Variants in CNBD1 observed in about 807,000 individuals in gnomAD.
CNBD1 encodes the protein cyclic nucleotide-binding domain-containing protein 1.
A neutral mutation model predicts 54.4 loss-of-function variants in CNBD1; 71 were observed. The observed-to-expected ratio is 1.30, with a 90% CI of 1.08 to 1.59. The LOEUF is 1.59. CNBD1 is among the 40% of genes most tolerant of loss of function. The pLI, the probability that CNBD1 is intolerant of heterozygous loss-of-function variation, is 0.00. For synonymous variants in CNBD1, 182 were observed against 170.7 expected (o/e 1.07, Z -0.51); for missense variants, 659 against 518.0 (o/e 1.27, Z -2.64).
chr8:87,025,882 G>C (rs1482766354), intron 4 of CNBD1, among the ~76,000 whole-genome samples: 1 of 152,188 alleles, frequency 6.6e-6, no homozygotes, highest in East Asian at 1.9e-4. Context: ...CCACCGGAAG[G>C]AACCAATTCA....
Position 87,426,184 on chromosome 8 carries a change from C to T in CNBD1, c.214-2362C>T, listed in dbSNP as rs544567167. Among the ~76,000 whole-genome samples the T allele has an allele frequency of 3.3e-3, 509 of 152,306 alleles. 2 individuals carry two copies. The highest frequency in any genetic ancestry group is 0.011 in the African/African-American group (460 of 41,578). ...GCCTCGCCCTGCTTCAGCTGGCGCA[C>T]GGTGCGCGCACCCACTGACCTGCGC... On this transcript the variant is annotated intron_variant, in intron 2 of 7. Coordinates refer to the CNBD1 transcript ENST00000521593.
chr8:87,379,533 C>G (rs1023014680), intron 10 of CNBD1, among the ~76,000 whole-genome samples: 1 of 151,850 alleles, frequency 6.6e-6, no homozygotes, highest in Non-Finnish European at 1.5e-5. Context: ...CAAACTATCT[C>G]TTGTTTGTTA....
chr8:87,013,205 G>C (rs1186307725), intron 4 of CNBD1, among the ~76,000 whole-genome samples: 3 of 152,124 alleles, frequency 2.0e-5, no homozygotes, highest in East Asian at 3.9e-4. Flanking sequence ...ACCTCCCTTA[G>C]GTTAAACGTC....
At chr8:87,373,402 A>G (rs1810860245) in intron 10 of CNBD1, among the ~76,000 whole-genome samples, 1 of 151,900 alleles carries the variant, frequency 6.6e-6, no homozygotes, top group African/African-American at 2.4e-5. Flanking sequence ...TAAAGGCATT[A>G]TCACAAACCC....
intron 6 of CNBD1, among the ~76,000 whole-genome samples, chr8:87,251,357 C>A (rs539938803): frequency 6.6e-6 from 1 of 152,052 alleles, no homozygotes; most frequent in South Asian, 2.1e-4. Context: ...GAGGCCAAGG[C>A]AGGTGGATTG....
chr8:86,937,865 G>T (rs762780878), intron 3 of CNBD1, among the ~76,000 whole-genome samples: 3 of 152,148 alleles, frequency 2.0e-5, no homozygotes, highest in Non-Finnish European at 4.4e-5. Flanking sequence ...GCAAATTTCT[G>T]CAGCCACCTT....
chr8:87,008,231 T>C (rs1248041573), intron 4 of CNBD1, among the ~76,000 whole-genome samples: 1 of 152,224 alleles, frequency 6.6e-6, no homozygotes, highest in African/African-American at 2.4e-5. Flanking sequence ...TGAGGTTCTC[T>C]CAGTTGTTTT....
At position 87,115,901 on chromosome 8, in the gene CNBD1, A is replaced by G. The variant is rs181747451; in HGVS notation, c.432-90092A>G. On this transcript the variant is annotated intron_variant, in intron 4 of 10. Transcript: ENST00000518476. The stretch of plus-strand genomic sequence containing the variant: ...CTCACTGTGCATCGGGCCTTCTGTC[A>G]TTGTTTCCCTTTATATCCAGCTCAT... Among the ~76,000 whole-genome samples, 255 of 152,238 alleles carry G rather than the reference A, an allele frequency of 1.7e-3. 3 individuals are homozygous for G. Among genetic ancestry groups the G allele is most frequent in the African/African-American group, 5.7e-3 (237 of 41,544 alleles).
intron 3 of CNBD1, among the ~76,000 whole-genome samples, chr8:86,931,123 C>T (rs1809449831): frequency 6.6e-6 from 1 of 152,324 alleles, no homozygotes; most frequent in African/African-American, 2.4e-5. Context: ...AGAGCAAAGT[C>T]TCCTTACAAC....
In CNBD1 at chr8:86,995,811, A is replaced by G. The variant is rs149604878; in HGVS notation, c.431+56057A>G. Among the ~76,000 whole-genome samples, 341 of 152,246 alleles carry G rather than the reference A, an allele frequency of 2.2e-3. 2 individuals are homozygous for G. The highest frequency in any genetic ancestry group is 7.9e-3 in the African/African-American group (328 of 41,566). On this transcript the variant is annotated intron_variant, in intron 4 of 10. Transcript: ENST00000518476. ...AAAAACATACAAAGACATTGGACTTAACTGAAAGGCAGATTCCTAAAATAT... is the reference window on the plus strand; with the variant it reads ...AAAAACATACAAAGACATTGGACTTGACTGAAAGGCAGATTCCTAAAATAT...
intron 4 of CNBD1, among the ~76,000 whole-genome samples, chr8:87,100,303 T>G (rs2130692080): frequency 1.3e-5 from 2 of 152,218 alleles, no homozygotes; most frequent in African/African-American, 4.8e-5. Context: ...TTTTAAATAT[T>G]TTAAAAGAAA....
chr8:87,366,009 A>C (rs889618882), intron 10 of CNBD1, among the ~76,000 whole-genome samples: 6 of 152,064 alleles, frequency 3.9e-5, no homozygotes, highest in African/African-American at 1.4e-4. Context: ...AAATATTCTC[A>C]GTTGGGATAA....
chr8:86,990,061 A>G (rs113570697), intron 4 of CNBD1, among the ~76,000 whole-genome samples: 200 of 152,254 alleles, frequency 1.3e-3, no homozygotes, highest in Non-Finnish European at 2.4e-3. Flanking sequence ...ATTCTTTGCT[A>G]TAGAATTGTT....
At chr8:87,017,300 C>T (rs755026280) in intron 4 of CNBD1, among the ~76,000 whole-genome samples, 1 of 152,156 alleles carries the variant, frequency 6.6e-6, no homozygotes, top group African/African-American at 2.4e-5. Context: ...GGAATGTTTT[C>T]CCCTTTCTAA....
chr8:87,011,633 T>C (rs933730359), intron 4 of CNBD1, among the ~76,000 whole-genome samples: 1 of 152,216 alleles, frequency 6.6e-6, no homozygotes, highest in Non-Finnish European at 1.5e-5. Flanking sequence ...ATTAAATCTT[T>C]ATTTTATTCT....
chr8:87,220,640 A>G (rs1337142577), intron 5 of CNBD1, among the ~76,000 whole-genome samples: 1 of 151,832 alleles, frequency 6.6e-6, no homozygotes, highest in Non-Finnish European at 1.5e-5. Flanking sequence ...TTGAACTGCT[A>G]ATATTTCTGC....
rs74576581 is a variant in CNBD1 at position 87,203,685 on chromosome 8, G to A, written c.432-2308G>A. ...AAAAACAGAAAGTTTCACTAGTTAC[G>A]CATTTCAAAGTCCAGAATTTTAGAG... On this transcript the variant is annotated intron_variant, in intron 4 of 10. Transcript: ENST00000518476. 5.7e-3 allele frequency among the ~76,000 whole-genome samples: 874 copies of A among 152,206 alleles called. 19 individuals carry two copies. Among genetic ancestry groups the A allele is most frequent in the African/African-American group, 0.02 (842 of 41,520 alleles).
At chr8:87,204,850 G>A (rs146821730) in intron 4 of CNBD1, among the ~76,000 whole-genome samples, 184 of 152,142 alleles carry the variant, frequency 1.2e-3, no homozygotes, top group African/African-American at 4.0e-3. Flanking sequence ...TTTCTAATAC[G>A]AATTATTTCT....
intron 6 of CNBD1, among the ~76,000 whole-genome samples, chr8:87,251,107 C>T (rs944737867): frequency 6.6e-6 from 1 of 151,842 alleles, no homozygotes; most frequent in African/African-American, 2.4e-5. Context: ...ATATATATTA[C>T]TGTTATGTAC....
Sources: allele counts gnomAD v4.1 joint callset (sites outside exome capture counted in the v4.1 genomes callset), GRCh38; gene constraint gnomAD v4.1.1; transcripts MANE v1.5; gene names NCBI Gene and HGNC (gene_info 2026-07-23, HGNC 2026-07-21).